The following ESD variants were observed in gnomAD, a reference collection of about 807,000 sequenced individuals.
The protein encoded by ESD is esterase D, also known as S-formylglutathione hydrolase.
In ESD, 34 loss-of-function variants were observed where a neutral mutation model predicts 38.1. That is an observed-to-expected ratio of 0.89 (90% CI 0.68 to 1.19). The LOEUF (loss-of-function observed/expected upper bound fraction) is 1.19. Ranked by LOEUF, ESD falls within the 50% of genes most tolerant of loss-of-function variation. ESD has a pLI of 0.00. For synonymous variants in ESD, 97 were observed against 107.0 expected (o/e 0.91, Z 0.58); for missense variants, 334 against 327.2 (o/e 1.02, Z -0.16).
intron 4 of ESD, 122 bp from the exon 5 acceptor site, chr13:46,784,472 G>A: frequency 1.5e-6 from 1 of 647,754 alleles, no homozygotes; most frequent in Non-Finnish European, 2.7e-6. Context: ...TACCAGTTAG[G>A]TACTATGTTC....
intron 4 of ESD, among the ~76,000 whole-genome samples, chr13:46,785,040 A>C (rs1593408529): frequency 6.6e-6 from 1 of 152,018 alleles, no homozygotes; most frequent in East Asian, 1.9e-4. Flanking sequence ...TTTTACATAC[A>C]GATAGTTCTC....
intron 1 of ESD, among the ~76,000 whole-genome samples, chr13:46,795,960 G>A (rs1419912527): frequency 1.3e-5 from 2 of 151,956 alleles, no homozygotes; most frequent in African/African-American, 4.8e-5. Context: ...CCTAGGCTGG[G>A]TCTCTTTTCC....
chr13:46,784,550 C>T (rs143651141), intron 4 of ESD, among the ~76,000 whole-genome samples, 200 bp from the exon 5 acceptor site: 223 of 151,966 alleles, frequency 1.5e-3, no homozygotes, highest in African/African-American at 5.2e-3. Context: ...ATATAACAAA[C>T]CTGCACGTGT....
chr13:46,790,564 G>C (rs1373525326), intron 3 of ESD: 1 of 152,154 alleles, frequency 6.6e-6, no homozygotes, highest in Non-Finnish European at 1.5e-5. Flanking sequence ...GTATTCCCCA[G>C]TACAAACAGT....
At chr13:46,788,975 A>G (rs527262707) in intron 3 of ESD, among the ~76,000 whole-genome samples, 1 of 152,136 alleles carries the variant, frequency 6.6e-6, no homozygotes, top group Non-Finnish European at 1.5e-5. Context: ...TGTTCTATCT[A>G]TGTATTGTCC....
At chr13:46,787,604 G>A (rs925332919) in intron 3 of ESD, among the ~76,000 whole-genome samples, 4 of 151,774 alleles carry the variant, frequency 2.6e-5, no homozygotes, top group Middle Eastern at 3.2e-3. Context: ...AACCACAGGC[G>A]TTTTTCCAGT....
At chr13:46,776,780 A>T (rs917695382) in intron 9 of ESD, 3 of 152,114 alleles carry the variant, frequency 2.0e-5, no homozygotes, top group African/African-American at 7.2e-5. Context: ...GACCATGTAT[A>T]ATTTTCAGTG....
In ESD at chr13:46,797,120, G is replaced by A. The variant is rs1056040370; in HGVS notation, c.-71C>T. 6.6e-6 allele frequency: 1 copy of A among 152,424 alleles called. No individual in the cohort carries two copies. The highest frequency in any genetic ancestry group is 1.5e-5 in the Non-Finnish European group (1 of 68,182). 9.4% of individuals were successfully genotyped at this position (152,424 alleles called of 1,614,324 possible). A position where few individuals can be genotyped will look rare whatever the true frequency, so the allele number is the denominator to read the frequency against. ...CCAGTCTTACCTACGGTGGCGGAGTGACCAGAAGAAGCGGGCCGAAGTAAA... is the reference window on the plus strand; with the variant it reads ...CCAGTCTTACCTACGGTGGCGGAGTAACCAGAAGAAGCGGGCCGAAGTAAA... On this transcript the variant is annotated 5_prime_UTR_variant, in exon 1 of 10. Coordinates refer to ENST00000378720, the MANE Select transcript of ESD (RefSeq NM_001984.2).
chr13:46,771,874 A>G (rs574963398), intron 9 of ESD, among the ~76,000 whole-genome samples: 2 of 152,248 alleles, frequency 1.3e-5, no homozygotes, highest in Middle Eastern at 3.4e-3. Flanking sequence ...ATTGAAAATG[A>G]CACTATCAAT....
chr13:46,781,859 C>T (rs1167985255), intron 6 of ESD, among the ~76,000 whole-genome samples: 1 of 151,668 alleles, frequency 6.6e-6, no homozygotes, highest in Non-Finnish European at 1.5e-5. Flanking sequence ...GCAGAAAGAA[C>T]CTTTAAAATG....
At chr13:46,777,312 T>G (rs573357937) in intron 9 of ESD, 144 bp downstream of exon 9, 44 of 523,634 alleles carry the variant, frequency 8.4e-5, no homozygotes, top group Non-Finnish European at 3.2e-6. Flanking sequence ...TATAGGCAGG[T>G]TTTCACTTCA....
At chr13:46,779,896 A>G (rs1566278920) in intron 8 of ESD, 39 bp downstream of exon 8, 2 of 1,485,932 alleles carry the variant, frequency 1.3e-6, no homozygotes, top group East Asian at 2.3e-5. Flanking sequence ...CAAACTTGAA[A>G]CTTAAGAATG....
intron 4 of ESD, among the ~76,000 whole-genome samples, chr13:46,786,285 G>C (rs968133975): frequency 2.6e-5 from 4 of 151,924 alleles, no homozygotes; most frequent in African/African-American, 4.8e-5. Flanking sequence ...TGTCCTTGAT[G>C]AAACACACAT....
At chr13:46,777,168 C>T (rs918591179) in intron 9 of ESD, 11 of 204,766 alleles carry the variant, frequency 5.4e-5, no homozygotes, top group Non-Finnish European at 1.1e-4. Context: ...AAAGAAGTAT[C>T]TGCTAATGCT....
intron 1 of ESD, among the ~76,000 whole-genome samples, chr13:46,794,489 C>A (rs939435243): frequency 6.7e-6 from 1 of 149,716 alleles, no homozygotes; most frequent in African/African-American, 2.4e-5. Context: ...GCGTACCACA[C>A]TGGAATATTT....
At chr13:46,786,618 A>G (rs369986394) in intron 4 of ESD, among the ~76,000 whole-genome samples, 1 of 151,946 alleles carries the variant, frequency 6.6e-6, no homozygotes, top group Non-Finnish European at 1.5e-5. Flanking sequence ...GAACACTGTA[A>G]GTTATTTGAC....
In ESD at chr13:46,782,798, A is replaced by G; in HGVS notation, c.257-7T>C. On this transcript the variant is annotated splice_polypyrimidine_tract_variant and splice_region_variant and intron_variant, in intron 5 of 9. Transcript: ENST00000378720. Reference sequence around the variant, plus strand: ...CCTTTAATATTGCAGCCACCTATCAAGAAACAATCTTGTGGTTTCATCTGC... The same window carrying G: ...CCTTTAATATTGCAGCCACCTATCAGGAAACAATCTTGTGGTTTCATCTGC... The G allele has an allele frequency of 6.2e-7, 1 of 1,611,714 alleles. No homozygotes were observed. Among genetic ancestry groups the G allele is most frequent in the Non-Finnish European group, 8.5e-7 (1 of 1,178,556 alleles).
chr13:46,788,843 C>A (rs1337270708), intron 3 of ESD, among the ~76,000 whole-genome samples: 5 of 152,196 alleles, frequency 3.3e-5, no homozygotes, highest in East Asian at 1.9e-4. Context: ...CTCCCCCAAC[C>A]CTGATTGGTT....
chr13:46,792,111 T>C (rs1227008567), intron 2 of ESD, among the ~76,000 whole-genome samples: 1 of 152,082 alleles, frequency 6.6e-6, no homozygotes, highest in Admixed American at 6.5e-5. Flanking sequence ...AAATGACATA[T>C]TTTATTGCTT....
Sources: gnomAD v4.1 joint callset for allele counts (sites outside exome capture counted in the v4.1 genomes callset) on GRCh38, gnomAD v4.1.1 for gene constraint, MANE v1.5 for transcripts, NCBI Gene and HGNC (gene_info 2026-07-23, HGNC 2026-07-21) for gene names.